GATAD2A: variants seen among roughly 807,000 people sequenced by gnomAD.
GATAD2A encodes the protein GATA zinc finger domain containing 2A, also known as transcriptional repressor p66-alpha.
Under a neutral mutation model 68.5 loss-of-function variants are expected in GATAD2A, and 12 were observed. That is an observed-to-expected ratio of 0.18 (90% CI 0.11 to 0.28). The LOEUF is 0.28. Ranked by LOEUF, GATAD2A falls within the 10% of genes least tolerant of loss-of-function variation. The pLI, the probability that GATAD2A is intolerant of heterozygous loss-of-function variation, is 1.00. For missense variants in GATAD2A, 755 were observed against 868.5 expected (o/e 0.87, Z 1.64); for synonymous variants, 410 against 375.3 (o/e 1.09, Z -1.07).
rs554124564 is a variant in GATAD2A, at chr19:19,457,453, T to TA, written c.-6-7885dup. On this transcript the variant is annotated intron_variant, in intron 1 of 11. Coordinates refer to ENST00000683918, the MANE Select transcript of GATAD2A (RefSeq NM_001384528.1). ...CAGGTGAAAGCAGTGTAAACATGAT[T>TA]AACAAGGCCAGGCTCGGTGGCTCAC... is the stretch of plus-strand genomic sequence containing the variant. Among the ~76,000 whole-genome samples the TA allele has an allele frequency of 1.2e-3, 179 of 152,186 alleles. 3 individuals carry two copies. The highest frequency in any genetic ancestry group is 0.01 in the Admixed American group (158 of 15,292).
chr19:19,406,560 C>T lies in GATAD2A; in HGVS notation c.-7+541C>T, dbSNP rs570533107. On this transcript the variant is annotated intron_variant, in intron 1 of 11. Coordinates refer to ENST00000683918, the MANE Select transcript of GATAD2A (RefSeq NM_001384528.1). Reference sequence around the variant, plus strand: ...CCCAGCTCGCGCCCTTCCTGCCTAACCCCCGGGAGCCGCGGGACCCTTTCC... The same window carrying T: ...CCCAGCTCGCGCCCTTCCTGCCTAATCCCCGGGAGCCGCGGGACCCTTTCC... Among the ~76,000 whole-genome samples, 7 of 152,276 alleles carry T rather than the reference C, an allele frequency of 4.6e-5. No individual in the cohort carries two copies. The East Asian group carries it at 1.2e-3, about 25-fold the overall frequency.
chr19:19,411,965 G>C (rs1568709587), intron 1 of GATAD2A, among the ~76,000 whole-genome samples: 1 of 152,070 alleles, frequency 6.6e-6, no homozygotes, highest in South Asian at 2.1e-4. Flanking sequence ...AAGGCCGGGC[G>C]CGGCAGCTCA....
In GATAD2A at chr19:19,502,383, A is replaced by C; in HGVS notation, c.1631A>C (p.His544Pro). ...GSATTPRGVLHTFSPSPKLQN... is the reference protein window; with the variant it reads ...GSATTPRGVLPTFSPSPKLQN... ...GCCACGACGCCCCGAGGTGTCCTGCACACGTTCAGTCCGTCACCCAAACTG... is the reference window on the plus strand; with the variant it reads ...GCCACGACGCCCCGAGGTGTCCTGCCCACGTTCAGTCCGTCACCCAAACTG... Residue 544 changes from histidine (H) to proline (P), a missense_variant, in exon 11 of 12, where the codon CAC becomes CCC. His to Pro is a moderately conservative substitution (Grantham distance 77, BLOSUM62 -2). Transcript: ENST00000683918. 5 of 1,613,668 alleles carry C rather than the reference A, an allele frequency of 3.1e-6. No homozygotes were observed. Among genetic ancestry groups the C allele is most frequent in the Non-Finnish European group, 4.2e-6 (5 of 1,179,962 alleles).
intron 7 of GATAD2A, among the ~76,000 whole-genome samples, chr19:19,497,769 T>A (rs2060248781): frequency 6.6e-6 from 1 of 152,126 alleles, no homozygotes; most frequent in African/African-American, 2.4e-5. Context: ...GCAATAACAT[T>A]GGCATGTGGG....
Position 19,495,799 on chromosome 19 carries a change from G to T in GATAD2A, c.670G>T (p.Val224Phe), listed in dbSNP as rs767731085. Residue 224 changes from valine (V) to phenylalanine (F), a missense_variant, in exon 6 of 12, where the codon GTC (valine) becomes TTC (phenylalanine). Transcript: ENST00000683918. ...CGGCAGTGTCATACCCCCGCCCCTG[G>T]TCCGAGGTGGGCAGCAGGCGTCCTC... ...MPGSVIPPPLVRGGQQASSKL... is the reference protein window; with the variant it reads ...MPGSVIPPPLFRGGQQASSKL... 4 of 1,613,734 alleles carry T rather than the reference G, an allele frequency of 2.5e-6. No individual in the cohort carries two copies. The highest frequency in any genetic ancestry group is 1.1e-5 in the South Asian group (1 of 91,060).
At chr19:19,490,536 A>G (rs992182291) in intron 2 of GATAD2A, among the ~76,000 whole-genome samples, 3 of 152,050 alleles carry the variant, frequency 2.0e-5, no homozygotes, top group African/African-American at 7.2e-5. Context: ...ACTTTGTCCG[A>G]GTTTGTTCTC....
intron 1 of GATAD2A, among the ~76,000 whole-genome samples, chr19:19,463,433 T>G (rs2057619350): frequency 6.6e-6 from 1 of 151,800 alleles, no homozygotes; most frequent in Non-Finnish European, 1.5e-5. Flanking sequence ...CCCAGAGAAG[T>G]GAGGCCATGA....
chr19:19,440,277 TTTA>T (rs1365949848), intron 1 of GATAD2A: 1 of 237,408 alleles, frequency 4.2e-6, no homozygotes, highest in South Asian at 5.0e-5. Flanking sequence ...TTTTTATTTA[TTTA>T]TTTTTTTTGA....
At chr19:19,419,510 CTTTTTTTTTTTTTT>C (rs57019208) in intron 1 of GATAD2A, among the ~76,000 whole-genome samples, 1 of 110,612 alleles carries the variant, frequency 9.0e-6, no homozygotes, top group Non-Finnish European at 1.8e-5. Context: ...ATCTCTACAT[CTTTTTTTTTTTTTT>C]TTTTTTTTTT....
chr19:19,390,448 G>A (rs2048763631), intron 1 of GATAD2A, among the ~76,000 whole-genome samples: 1 of 152,162 alleles, frequency 6.6e-6, no homozygotes, highest in Non-Finnish European at 1.5e-5. Context: ...AATGCCCAAA[G>A]AGAAAGAAAC....
At chr19:19,481,578 A>C (rs2059065461) in intron 2 of GATAD2A, among the ~76,000 whole-genome samples, 1 of 152,108 alleles carries the variant, frequency 6.6e-6, no homozygotes, top group Non-Finnish European at 1.5e-5. Context: ...CTCTCACCTC[A>C]GCCTCCCAAA....
intron 8 of GATAD2A, among the ~76,000 whole-genome samples, chr19:19,500,742 G>A (rs1417220630): frequency 1.3e-5 from 2 of 152,236 alleles, no homozygotes; most frequent in Non-Finnish European, 2.9e-5. Flanking sequence ...AGGACATGGC[G>A]CATTTGGGGG....
chr19:19,426,254 G>T (rs1013104084), intron 1 of GATAD2A, among the ~76,000 whole-genome samples: 1 of 152,184 alleles, frequency 6.6e-6, no homozygotes, highest in African/African-American at 2.4e-5. Flanking sequence ...GGTGCTCCAG[G>T]AAGTGTATTT....
At chr19:19,447,279 T>C (rs1304795304) in intron 1 of GATAD2A, among the ~76,000 whole-genome samples, 1 of 152,056 alleles carries the variant, frequency 6.6e-6, no homozygotes, top group Non-Finnish European at 1.5e-5. Context: ...TCAGTGTGGC[T>C]CCAGCTGAGA....
At chr19:19,435,665 C>T (rs1177878652) in intron 1 of GATAD2A, among the ~76,000 whole-genome samples, 1 of 152,184 alleles carries the variant, frequency 6.6e-6, no homozygotes, top group Non-Finnish European at 1.5e-5. Context: ...GCCTGGCCAA[C>T]ATGGCAAAAC....
chr19:19,470,149 T>TTA (rs1555712315), intron 2 of GATAD2A, among the ~76,000 whole-genome samples: 3 of 136,588 alleles, frequency 2.2e-5, no homozygotes, highest in African/African-American at 8.5e-5. Context: ...CTTTATTTTT[T>TTA]TTTTTGTTTT....
chr19:19,481,525 T>A (rs2059059353), intron 2 of GATAD2A, among the ~76,000 whole-genome samples: 1 of 152,102 alleles, frequency 6.6e-6, no homozygotes, highest in South Asian at 2.1e-4. Context: ...AGGGTCTCAC[T>A]GTGTTGCCCA....
intron 1 of GATAD2A, among the ~76,000 whole-genome samples, chr19:19,426,412 C>T (rs1192293866): frequency 1.3e-5 from 2 of 152,204 alleles, no homozygotes; most frequent in Admixed American, 6.5e-5. Context: ...TCTTCTGCAG[C>T]TAAGAGCTGG....
chr19:19,410,512 C>G (rs1184430364), intron 1 of GATAD2A, among the ~76,000 whole-genome samples: 2 of 152,206 alleles, frequency 1.3e-5, no homozygotes, highest in Non-Finnish European at 2.9e-5. Flanking sequence ...ATTCCTCCTG[C>G]AGTTCCGTCT....
Sources: allele counts gnomAD v4.1 joint callset (sites outside exome capture counted in the v4.1 genomes callset), GRCh38; gene constraint gnomAD v4.1.1; transcripts MANE v1.5; gene names NCBI Gene and HGNC (gene_info 2026-07-23, HGNC 2026-07-21).